The following ATP1A1 variants were observed in gnomAD, a reference collection of about 807,000 sequenced individuals.
ATP1A1 encodes the protein sodium/potassium-transporting ATPase subunit alpha-1.
A neutral mutation model predicts 114.8 loss-of-function variants in ATP1A1; 14 were observed. The observed-to-expected ratio is 0.12, with a 90% CI of 0.08 to 0.19. The LOEUF (loss-of-function observed/expected upper bound fraction) is 0.19, where lower values mean the gene tolerates loss of function less well. ATP1A1 is among the 10% of genes least tolerant of loss of function. ATP1A1 has a pLI of 1.00. For missense variants in ATP1A1, 524 were observed against 1,290.7 expected, an observed-to-expected ratio of 0.41 and a Z score of 9.10; for synonymous variants, 471 against 466.3, an observed-to-expected ratio of 1.01 and a Z score of -0.13.
At chr1:116,373,553 C>A (rs1343935558) in intron 1 of ATP1A1, 30 bp downstream of exon 1, 3 of 1,435,170 alleles carry the variant, frequency 2.1e-6, no homozygotes, top group Non-Finnish European at 2.7e-6. Context: ...GGGGAGGGGG[C>A]TCGGGGAGCC....
At chr1:116,390,491 T>TTA in intron 9 of ATP1A1, 80 bp downstream of exon 9, 1 of 1,440,580 alleles carries the variant, frequency 6.9e-7, no homozygotes, top group African/African-American at 1.5e-5. Context: ...TGCATGAAAT[T>TTA]TCTTTTTTTT....
rs761030948 is a variant in ATP1A1 at position 116,384,121 on chromosome 1, T to C, written c.120T>C (p.Ser40=). ...TGGATGAACTGAAGAAAGAAGTTTC[T>C]ATGGTAAGTACTAGGAGGAATATTG... ...RDMDELKKEV[S]MDDHKLSLDE... The change falls in exon 2 of 23, where the codon TCT becomes TCC. Residue 40 remains serine (S), a synonymous_variant. Transcript: ENST00000295598. This position sits in a 1 kb window ranked among gnomAD's most constrained non-coding sequence, Gnocchi z 5.1. 5.6e-6 allele frequency: 9 copies of C among 1,611,870 alleles called. No individual in the cohort carries two copies. Among genetic ancestry groups the C allele is most frequent in the Non-Finnish European group, 7.6e-6 (9 of 1,177,968 alleles).
rs369315902 is a variant in ATP1A1 at position 116,398,568 on chromosome 1, C to CCAT, written c.2125-51_2125-49dup. On this transcript the variant is annotated intron_variant, in intron 15 of 22. Transcript: ENST00000295598. This position sits in a 1 kb window ranked among gnomAD's most constrained non-coding sequence, Gnocchi z 6.1. ...AGTGGGGGCATGCATCGCACTATTTCCATCGCTAGGAAAAGTGATTGGTAT... is the reference window on the plus strand; with the variant it reads ...AGTGGGGGCATGCATCGCACTATTTCCATCATCGCTAGGAAAAGTGATTGGTAT... 3.2e-6 allele frequency: 5 copies of CCAT among 1,581,428 alleles called. No homozygotes were observed. The highest frequency in any genetic ancestry group is 1.7e-4 in the Middle Eastern group (1 of 5,854).
At position 116,395,032 on chromosome 1, in the gene ATP1A1, C is replaced by A. The variant is rs1054872529; in HGVS notation, c.1661-78C>A. The A allele has an allele frequency of 7.7e-6, 11 of 1,428,348 alleles. No homozygotes were observed. The highest frequency in any genetic ancestry group is 1.0e-5 in the Non-Finnish European group (11 of 1,054,936). 88.5% of individuals were successfully genotyped at this position (1,428,348 alleles called of 1,614,324 possible). A position where few individuals can be genotyped will look rare whatever the true frequency, so the allele number is the denominator to read the frequency against. On this transcript the variant is annotated intron_variant, in intron 12 of 22. Coordinates refer to ENST00000295598, the MANE Select transcript of ATP1A1 (RefSeq NM_000701.8). This position sits in a 1 kb window ranked among gnomAD's most constrained non-coding sequence, Gnocchi z 6.4. Reference sequence around the variant, plus strand: ...AGTAAACACTCCAGAGAAAGGTAGGCGGGCTGAATAGGCTGCTGTTGTCCT... The same window carrying A: ...AGTAAACACTCCAGAGAAAGGTAGGAGGGCTGAATAGGCTGCTGTTGTCCT...
chr1:116,384,191 C>A lies in ATP1A1; in HGVS notation c.123+67C>A. The A allele has an allele frequency of 7.6e-7, 1 of 1,315,534 alleles. No individual in the cohort carries two copies. The highest frequency in any genetic ancestry group is 1.1e-6 in the Non-Finnish European group (1 of 929,462). The allele number at this position is 1,315,534 out of a possible 1,614,324, so 81.5% of individuals were successfully genotyped here. A position where few individuals can be genotyped will look rare whatever the true frequency, so the allele number is the denominator to read the frequency against. Reference sequence around the variant, plus strand: ...ATCCATGATTTTTAATCCCCCAGGCCTCACTGTATTCTTCAAAGAACTGCT... The same window carrying A: ...ATCCATGATTTTTAATCCCCCAGGCATCACTGTATTCTTCAAAGAACTGCT... On this transcript the variant is annotated intron_variant, in intron 2 of 22. Transcript: ENST00000295598. The surrounding 1 kb of genome is among the most constrained non-coding windows in gnomAD (Gnocchi z 5.1).
intron 14 of ATP1A1, 115 bp downstream of exon 14, chr1:116,396,849 G>A (rs1036600375): frequency 2.7e-5 from 35 of 1,289,512 alleles, no homozygotes; most frequent in Admixed American, 3.4e-5. Flanking sequence ...AGTAGGAAAT[G>A]TACCTGCACT....
intron 1 of ATP1A1, among the ~76,000 whole-genome samples, chr1:116,379,946 C>T (rs1651631352): frequency 6.6e-6 from 1 of 152,210 alleles, no homozygotes; most frequent in African/African-American, 2.4e-5. Flanking sequence ...GGTGTTGTTT[C>T]TACAATCTTC....
intron 21 of ATP1A1, 30 bp from the exon 22 acceptor site, chr1:116,403,854 A>G (rs1188789683): frequency 3.9e-6 from 6 of 1,555,622 alleles, no homozygotes; most frequent in African/African-American, 2.7e-5. Flanking sequence ...GTTCGTGTGC[A>G]TATAAATTGG....
At position 116,384,727 on chromosome 1, in the gene ATP1A1, G is replaced by T; in HGVS notation, c.124-56G>T. On this transcript the variant is annotated intron_variant, in intron 2 of 22. Transcript: ENST00000295598. The surrounding 1 kb of genome is among the most constrained non-coding windows in gnomAD (Gnocchi z 5.1). ...AGTAATGAATAATGCTATTTTTTCT[G>T]TCATTTTTTTATACTACACTGTTTA... The T allele has an allele frequency of 6.9e-7, 1 of 1,446,108 alleles. No homozygotes were observed. The highest frequency in any genetic ancestry group is 2.2e-5 in the Admixed American group (1 of 45,802). 89.6% of individuals were successfully genotyped at this position (1,446,108 alleles called of 1,614,324 possible).
rs1652796018 is a variant in ATP1A1, at chr1:116,395,044, G to A, written c.1661-66G>A. On this transcript the variant is annotated intron_variant, in intron 12 of 22. Coordinates refer to ENST00000295598, the MANE Select transcript of ATP1A1 (RefSeq NM_000701.8). This position sits in a 1 kb window ranked among gnomAD's most constrained non-coding sequence, Gnocchi z 6.4. ...AGAGAAAGGTAGGCGGGCTGAATAG[G>A]CTGCTGTTGTCCTTCTTACTGCCCA... 2 of 1,513,064 alleles carry A rather than the reference G, an allele frequency of 1.3e-6. No individual in the cohort carries two copies. The allele number at this position is 1,513,064 out of a possible 1,614,324, so 93.7% of individuals were successfully genotyped here.
At position 116,397,260 on chromosome 1, in the gene ATP1A1, T is replaced by A. The variant is rs1339721848; in HGVS notation, c.1973+526T>A. ...TTTAAGGTTTAGGGCCCTTTCACCC[T>A]ATGTTACGGTTAGAGGAGGGTTTGG... On this transcript the variant is annotated intron_variant, in intron 14 of 22. Coordinates refer to ENST00000295598, the MANE Select transcript of ATP1A1 (RefSeq NM_000701.8). The surrounding 1 kb of genome is among the most constrained non-coding windows in gnomAD (Gnocchi z 4.2). Among the ~76,000 whole-genome samples, 1 of 152,220 alleles carries A rather than the reference T, an allele frequency of 6.6e-6. No homozygotes were observed. Among genetic ancestry groups the A allele is most frequent in the East Asian group, 1.9e-4 (1 of 5,206 alleles).
chr1:116,375,612 G>A (rs967184305), intron 1 of ATP1A1, among the ~76,000 whole-genome samples: 2 of 152,228 alleles, frequency 1.3e-5, no homozygotes, highest in Non-Finnish European at 2.9e-5. Flanking sequence ...CTGGGTGGTA[G>A]TTAGCATTTT....
Position 116,400,849 on chromosome 1 carries a change from T to C in ATP1A1, c.2573-12T>C. The C allele has an allele frequency of 6.2e-7, 1 of 1,614,008 alleles. No individual in the cohort carries two copies. The highest frequency in any genetic ancestry group is 2.2e-5 in the East Asian group (1 of 44,884). ...GTGAGGTTCTAGTAATTGGGTTGTT[T>C]TCCCAACTTAGGAATGATCCAGGCC... On this transcript the variant is annotated splice_polypyrimidine_tract_variant and intron_variant, in intron 18 of 22. Transcript: ENST00000295598.
At chr1:116,374,651 G>A (rs1220485567) in intron 1 of ATP1A1, among the ~76,000 whole-genome samples, 1 of 152,210 alleles carries the variant, frequency 6.6e-6, no homozygotes, top group Non-Finnish European at 1.5e-5. Context: ...ATGAGCCAAA[G>A]TCTAGTTGAG....
Position 116,404,600 on chromosome 1 carries a change from T to C in ATP1A1, c.*156T>C. ...GCAAGACGTCCTGGAATGAAGCATGTAGCTCTATGGGGGGAGGGGGGAGGG... is the reference window on the plus strand; with the variant it reads ...GCAAGACGTCCTGGAATGAAGCATGCAGCTCTATGGGGGGAGGGGGGAGGG... On this transcript the variant is annotated 3_prime_UTR_variant, in exon 23 of 23. Coordinates refer to ENST00000295598, the MANE Select transcript of ATP1A1 (RefSeq NM_000701.8). This position sits in a 1 kb window ranked among gnomAD's most constrained non-coding sequence, Gnocchi z 4.8. 1 of 1,208,256 alleles carries C rather than the reference T, an allele frequency of 8.3e-7. No individual in the cohort carries two copies. The highest frequency in any genetic ancestry group is 1.1e-6 in the Non-Finnish European group (1 of 944,876). The allele number at this position is 1,208,256 out of a possible 1,614,324, so 74.8% of individuals were successfully genotyped here.
At position 116,388,010 on chromosome 1, in the gene ATP1A1, T is replaced by C; in HGVS notation, c.388-121T>C. 1 of 674,696 alleles carries C rather than the reference T, an allele frequency of 1.5e-6. No individual in the cohort carries two copies. The highest frequency in any genetic ancestry group is 2.5e-6 in the Non-Finnish European group (1 of 393,200). The allele number at this position is 674,696 out of a possible 1,614,324, so 41.8% of individuals were successfully genotyped here. A position where few individuals can be genotyped will look rare whatever the true frequency, so the allele number is the denominator to read the frequency against. On this transcript the variant is annotated intron_variant, in intron 4 of 22. Coordinates refer to ENST00000295598, the MANE Select transcript of ATP1A1 (RefSeq NM_000701.8). The surrounding 1 kb of genome is among the most constrained non-coding windows in gnomAD (Gnocchi z 5.6). ...AGGATAAATAAGAAAACATGAGTTC[T>C]ATATTTCTGAAATCTTGGTTTCTCT...
chr1:116,379,616 G>C (rs1651604559), intron 1 of ATP1A1, among the ~76,000 whole-genome samples: 1 of 152,148 alleles, frequency 6.6e-6, no homozygotes, highest in African/African-American at 2.4e-5. Flanking sequence ...AAGATCAAAT[G>C]AAAAATAATG....
chr1:116,383,249 C>A, intron 1 of ATP1A1: 1 of 490,372 alleles, frequency 2.0e-6, no homozygotes. Flanking sequence ...ACAGAATGGG[C>A]TGGGCGCTCC....
intron 18 of ATP1A1, 87 bp from the exon 19 acceptor site, chr1:116,400,773 TC>T: frequency 1.3e-6 from 2 of 1,501,818 alleles, no homozygotes; most frequent in South Asian, 2.5e-5. Flanking sequence ...ATATGTGCTC[TC>T]CCAGGCCTGC....
Sources: allele counts gnomAD v4.1 joint callset (sites outside exome capture counted in the v4.1 genomes callset), GRCh38; gene constraint gnomAD v4.1.1; non-coding constraint Gnocchi (gnomAD v3.1); transcripts MANE v1.5; gene names NCBI Gene and HGNC (gene_info 2026-07-23, HGNC 2026-07-21).